The following RIC1 variants were observed in gnomAD, a reference collection of about 807,000 sequenced individuals.
RIC1 encodes the protein RIC1 partner of RAB6A GEF complex.
RIC1 carries 88 observed loss-of-function variants against 169.0 expected under a neutral mutation model. The ratio of observed to expected loss-of-function variants is 0.52; its 90% CI spans 0.44 to 0.62. The LOEUF (loss-of-function observed/expected upper bound fraction) is 0.62, where lower values mean the gene tolerates loss of function less well. Among genes scored for constraint, RIC1 ranks in the 20% least tolerant of loss-of-function variants. RIC1 has a pLI of 0.00. For synonymous variants in RIC1, 790 were observed against 601.5 expected (o/e 1.31, Z -4.59); for missense variants, 1,877 against 1,725.5 (o/e 1.09, Z -1.56).
chr9:5,689,450 T>C (rs1821467248), intron 2 of RIC1, among the ~76,000 whole-genome samples: 1 of 152,216 alleles, frequency 6.6e-6, no homozygotes, highest in Non-Finnish European at 1.5e-5. Context: ...TATGTCTGTA[T>C]CTGGGGCTAT....
At chr9:5,677,562 C>A (rs1302197477) in intron 2 of RIC1, among the ~76,000 whole-genome samples, 1 of 150,508 alleles carries the variant, frequency 6.6e-6, no homozygotes, top group African/African-American at 2.5e-5. Context: ...ATATATTTAA[C>A]ATCATTTTGA....
At position 5,689,975 on chromosome 9, in the gene RIC1, T is replaced by A; in HGVS notation, c.269T>A (p.Ile90Asn). ...MIAVSTANGY[I>N]LFFHITSTRG... ...CTCTTTCAGACGGCAAATGGATACA[T>A]CTTGTTTTTTCATATTACATCTACA... The change falls in exon 3 of 26, where the codon ATC (isoleucine) becomes AAC (asparagine). Residue 90 changes from isoleucine to asparagine, a missense_variant. This residue lies in a region of RIC1 where 1,104 missense variants were observed against 992.0 expected (regional missense o/e 1.11). Transcript: ENST00000414202. The A allele has an allele frequency of 6.2e-7, 1 of 1,601,792 alleles. No individual in the cohort carries two copies. Among genetic ancestry groups the A allele is most frequent in the Non-Finnish European group, 8.5e-7 (1 of 1,174,340 alleles).
At chr9:5,636,822 A>G (rs1345236617) in intron 1 of RIC1, among the ~76,000 whole-genome samples, 1 of 152,120 alleles carries the variant, frequency 6.6e-6, no homozygotes, top group Non-Finnish European at 1.5e-5. Context: ...ACTGCTTTAT[A>G]TCGTAAGTTT....
chr9:5,666,476 G>GA (rs1378021430), intron 2 of RIC1, among the ~76,000 whole-genome samples: 4 of 152,030 alleles, frequency 2.6e-5, no homozygotes, highest in Non-Finnish European at 5.9e-5. Context: ...GTTCTAGCGG[G>GA]AAGGCTTTCA....
At chr9:5,706,047 T>A (rs1822566252) in intron 3 of RIC1, among the ~76,000 whole-genome samples, 1 of 152,182 alleles carries the variant, frequency 6.6e-6, no homozygotes, top group Non-Finnish European at 1.5e-5. Context: ...TCCAGTTTGC[T>A]AATATTTTGT....
At chr9:5,770,028 G>A (rs1209151391) in intron 22 of RIC1, 59 bp from the exon 23 acceptor site, 2 of 1,423,110 alleles carry the variant, frequency 1.4e-6, no homozygotes, top group Non-Finnish European at 1.9e-6. Context: ...AATTGAAAAT[G>A]TCAGTGTGTG....
chr9:5,689,778 T>A (rs1821485370), intron 2 of RIC1, among the ~76,000 whole-genome samples, 181 bp from the exon 3 acceptor site: 1 of 152,154 alleles, frequency 6.6e-6, no homozygotes, highest in Non-Finnish European at 1.5e-5. Context: ...GTAAAAACCC[T>A]TTTTTTCAAC....
At chr9:5,647,980 G>GTGGTGGTGGTGGTGA (rs1818613102) in intron 1 of RIC1, among the ~76,000 whole-genome samples, 144 of 127,374 alleles carry the variant, frequency 1.1e-3, no homozygotes, top group Admixed American at 5.9e-3. Flanking sequence ...GGTGATGGTG[G>GTGGTGGTGGTGGTGA]TGGTGGTGGT....
chr9:5,677,201 T>C (rs1820503127), intron 2 of RIC1, among the ~76,000 whole-genome samples: 1 of 152,346 alleles, frequency 6.6e-6, no homozygotes, highest in South Asian at 2.1e-4. Context: ...GGGTATGCCT[T>C]TTTAATTTTA....
At chr9:5,714,424 G>C (rs533701369) in intron 4 of RIC1, among the ~76,000 whole-genome samples, 38 of 152,166 alleles carry the variant, frequency 2.5e-4, no homozygotes, top group African/African-American at 7.7e-4. Flanking sequence ...TATGAATAAA[G>C]GTTTTATGAC....
At chr9:5,690,063 T>A in intron 3 of RIC1, 25 bp downstream of exon 3, 1 of 1,455,756 alleles carries the variant, frequency 6.9e-7, no homozygotes, top group Non-Finnish European at 9.4e-7. Context: ...TTTCATTCTT[T>A]TAATATGTGA....
At chr9:5,737,833 G>A (rs117519278) in intron 7 of RIC1, among the ~76,000 whole-genome samples, 2,560 of 151,326 alleles carry the variant, frequency 0.017, 39 homozygotes, top group Non-Finnish European at 0.022. Context: ...AATAAAGTAA[G>A]AGAAAAGATT....
intron 23 of RIC1, among the ~76,000 whole-genome samples, chr9:5,771,283 C>T (rs951014667): frequency 2.6e-5 from 4 of 152,154 alleles, no homozygotes; most frequent in African/African-American, 7.2e-5. Context: ...TTTGACTATT[C>T]TAGGTACTTC....
chr9:5,632,112 C>G (rs530993853), intron 1 of RIC1, among the ~76,000 whole-genome samples: 46 of 152,158 alleles, frequency 3.0e-4, no homozygotes, highest in Non-Finnish European at 6.3e-4. Context: ...CATTTGAAGG[C>G]AGGGAGACAT....
chr9:5,709,831 C>CT (rs1822829982), intron 3 of RIC1, among the ~76,000 whole-genome samples: 1 of 152,046 alleles, frequency 6.6e-6, no homozygotes, highest in Non-Finnish European at 1.5e-5. Flanking sequence ...AGATGTATCT[C>CT]TAATTTTATA....
At chr9:5,759,445 T>C (rs1417800978) in intron 17 of RIC1, among the ~76,000 whole-genome samples, 2 of 152,210 alleles carry the variant, frequency 1.3e-5, no homozygotes, top group Non-Finnish European at 2.9e-5. Context: ...GTGAATCTTC[T>C]AGATTAAATA....
intron 2 of RIC1, among the ~76,000 whole-genome samples, chr9:5,681,228 T>A (rs1383599684): frequency 1.3e-5 from 2 of 152,288 alleles, no homozygotes; most frequent in African/African-American, 2.4e-5. Context: ...TGCTCTTGCT[T>A]CTCTAGTTAT....
intron 3 of RIC1, among the ~76,000 whole-genome samples, chr9:5,710,984 C>G (rs1482166114): frequency 1.3e-5 from 2 of 151,974 alleles, no homozygotes; most frequent in African/African-American, 2.4e-5. Context: ...AATGGAGAAG[C>G]TTATTATTAT....
chr9:5,736,344 C>T (rs971632689), intron 7 of RIC1, among the ~76,000 whole-genome samples: 4 of 152,088 alleles, frequency 2.6e-5, no homozygotes, highest in Admixed American at 6.5e-5. Flanking sequence ...GCCAAGAAAA[C>T]GGACAAAAAT....
Sources: allele counts gnomAD v4.1 joint callset (sites outside exome capture counted in the v4.1 genomes callset), GRCh38; gene constraint gnomAD v4.1.1; regional missense constraint gnomAD v4.1.1; transcripts MANE v1.5; gene names NCBI Gene and HGNC (gene_info 2026-07-23, HGNC 2026-07-21).